TMEM232: variants seen among roughly 807,000 people sequenced by gnomAD.
TMEM232 encodes transmembrane protein 232.
TMEM232 carries 80 observed loss-of-function variants against 78.8 expected under a neutral mutation model. That is an observed-to-expected ratio of 1.01 (90% CI 0.85 to 1.22). The LOEUF (loss-of-function observed/expected upper bound fraction) is 1.22. TMEM232 is among the 50% of genes most tolerant of loss of function. The probability of loss-of-function intolerance (pLI) is 0.00; values close to 1 mark genes in which losing one functional copy is unlikely to be tolerated. For missense variants in TMEM232, 881 were observed against 742.2 expected (o/e 1.19, Z -2.17); for synonymous variants, 297 against 254.3 (o/e 1.17, Z -1.60).
chr5:110,661,772 T>C (rs1460586170), intron 2 of TMEM232, among the ~76,000 whole-genome samples: 5 of 152,242 alleles, frequency 3.3e-5, no homozygotes, highest in African/African-American at 9.6e-5. Flanking sequence ...ACCAACAGTG[T>C]AGGAGCATTC....
chr5:110,388,280 C>A (rs1156501451), intron 4 of TMEM232, among the ~76,000 whole-genome samples: 1 of 151,874 alleles, frequency 6.6e-6, no homozygotes, highest in South Asian at 2.1e-4. Flanking sequence ...GGGCTTTCCA[C>A]TTGGCCAGCA....
intron 12 of TMEM232, among the ~76,000 whole-genome samples, chr5:110,512,649 T>C (rs372181432): frequency 5.1e-4 from 77 of 152,302 alleles, no homozygotes; most frequent in South Asian, 8.3e-4. Context: ...TCAGGAAGTT[T>C]ACATTCTAAT....
At chr5:110,389,209 C>T (rs1308634262) in intron 4 of TMEM232, among the ~76,000 whole-genome samples, 8 of 152,096 alleles carry the variant, frequency 5.3e-5, no homozygotes, top group African/African-American at 1.7e-4. Flanking sequence ...TGCAGTGAGC[C>T]GAGATCGCAC....
chr5:110,670,118 G>C (rs1312242353), intron 1 of TMEM232, among the ~76,000 whole-genome samples: 1 of 152,194 alleles, frequency 6.6e-6, no homozygotes, highest in Non-Finnish European at 1.5e-5. Flanking sequence ...TATAGTGTTG[G>C]AAGTTCTGGC....
At chr5:110,608,710 T>C (rs1781809232) in intron 8 of TMEM232, among the ~76,000 whole-genome samples, 1 of 152,062 alleles carries the variant, frequency 6.6e-6, no homozygotes, top group South Asian at 2.1e-4. Flanking sequence ...ATGAAAATGC[T>C]TTCGTCAAAA....
chr5:110,411,756 A>AT (rs1308059440), intron 2 of TMEM232, among the ~76,000 whole-genome samples: 2 of 152,136 alleles, frequency 1.3e-5, no homozygotes, highest in Non-Finnish European at 2.9e-5. Flanking sequence ...ATATTGTAGC[A>AT]TGTATCAGAA....
Position 110,420,454 on chromosome 5 carries a change from T to C in TMEM232, c.*126A>G, listed in dbSNP as rs928432041. 1.6e-6 allele frequency: 1 copy of C among 610,506 alleles called. No individual in the cohort carries two copies. Among genetic ancestry groups the C allele is most frequent in the Non-Finnish European group, 2.5e-6 (1 of 394,818 alleles). The allele number at this position is 610,506 out of a possible 1,614,324, so 37.8% of individuals were successfully genotyped here. A position where few individuals can be genotyped will look rare whatever the true frequency, so the allele number is the denominator to read the frequency against. The stretch of plus-strand genomic sequence containing the variant: ...AGCTTGTATCAGGAAAACAAATTCT[T>C]TCTAAACAATACCTCCATTTAATGA... On this transcript the variant is annotated 3_prime_UTR_variant, in exon 14 of 14. Transcript: ENST00000455884.
intron 11 of TMEM232, among the ~76,000 whole-genome samples, chr5:110,541,829 C>T (rs1773156098): frequency 6.6e-6 from 1 of 152,082 alleles, no homozygotes; most frequent in South Asian, 2.1e-4. Context: ...TAGTAAAATA[C>T]CTAGTTAACC....
intron 1 of TMEM232, chr5:110,725,877 T>G (rs1798097286): frequency 6.6e-6 from 1 of 152,132 alleles, no homozygotes; most frequent in African/African-American, 2.4e-5. Context: ...TAACATGCAT[T>G]AGAGAATATA....
intron 12 of TMEM232, among the ~76,000 whole-genome samples, chr5:110,486,261 T>C (rs1009728867): frequency 6.6e-6 from 1 of 152,116 alleles, no homozygotes; most frequent in African/African-American, 2.4e-5. Context: ...CCTCCCACTC[T>C]GTGGGTTGTC....
chr5:110,406,760 A>T (rs780041964), intron 2 of TMEM232, among the ~76,000 whole-genome samples: 7 of 152,210 alleles, frequency 4.6e-5, no homozygotes, highest in Admixed American at 1.3e-4. Flanking sequence ...AAAATATATT[A>T]AAAATATCAT....
chr5:110,697,944 C>T (rs1794991945), intron 1 of TMEM232, among the ~76,000 whole-genome samples: 1 of 152,138 alleles, frequency 6.6e-6, no homozygotes, highest in African/African-American at 2.4e-5. Context: ...TGGGTATATA[C>T]CCAAAGGATT....
In TMEM232 at chr5:110,420,512, G is replaced by A. The variant is rs1382523230; in HGVS notation, c.*68C>T. On this transcript the variant is annotated 3_prime_UTR_variant, in exon 14 of 14. Coordinates refer to ENST00000455884, the MANE Select transcript of TMEM232 (RefSeq NM_001039763.4). The stretch of plus-strand genomic sequence containing the variant: ...GTTCTCTTACTATGTAGCTATCTTG[G>A]TATTTTTCATCCTATGTATTTCTGC... The A allele has an allele frequency of 2.0e-6, 2 of 975,684 alleles. No individual in the cohort carries two copies. The highest frequency in any genetic ancestry group is 2.2e-5 in the South Asian group (1 of 44,984). The allele number at this position is 975,684 out of a possible 1,614,324, so 60.4% of individuals were successfully genotyped here. A position where few individuals can be genotyped will look rare whatever the true frequency, so the allele number is the denominator to read the frequency against.
intron 2 of TMEM232, among the ~76,000 whole-genome samples, chr5:110,656,666 G>A (rs527286547): frequency 3.0e-4 from 46 of 151,938 alleles, no homozygotes; most frequent in Admixed American, 1.4e-3. Context: ...GTGAAACCCC[G>A]TCTCTACTAA....
chr5:110,628,142 GA>G (rs1784647521), intron 5 of TMEM232, among the ~76,000 whole-genome samples: 1 of 151,984 alleles, frequency 6.6e-6, no homozygotes, highest in Non-Finnish European at 1.5e-5. Flanking sequence ...ATGCCCTTTA[GA>G]ACAGTGTTTT....
chr5:110,654,958 A>G (rs1388045248), intron 2 of TMEM232, among the ~76,000 whole-genome samples: 1 of 152,216 alleles, frequency 6.6e-6, no homozygotes, highest in African/African-American at 2.4e-5. Context: ...TCCCTAGAAG[A>G]AAACCTAGGC....
chr5:110,436,316 T>C (rs2112720247), intron 12 of TMEM232, among the ~76,000 whole-genome samples: 1 of 152,188 alleles, frequency 6.6e-6, no homozygotes, highest in East Asian at 1.9e-4. Context: ...TTGGAATTTT[T>C]CTATAGAGTT....
intron 11 of TMEM232, among the ~76,000 whole-genome samples, chr5:110,544,671 G>A (rs1554104504): frequency 6.6e-6 from 1 of 152,066 alleles, no homozygotes; most frequent in Non-Finnish European, 1.5e-5. Context: ...TAATCTTGCT[G>A]AGATATTTAA....
chr5:110,574,668 T>C (rs1777367993), intron 10 of TMEM232, among the ~76,000 whole-genome samples: 1 of 152,064 alleles, frequency 6.6e-6, no homozygotes, highest in African/African-American at 2.4e-5. Flanking sequence ...CAAAGCTTGG[T>C]GAACTTCCAT....
Sources: gnomAD v4.1 joint callset for allele counts (sites outside exome capture counted in the v4.1 genomes callset) on GRCh38, gnomAD v4.1.1 for gene constraint, MANE v1.5 for transcripts, NCBI Gene and HGNC (gene_info 2026-07-23, HGNC 2026-07-21) for gene names.